CSMD2: variants seen among roughly 807,000 people sequenced by gnomAD.
CSMD2 encodes CUB and sushi domain-containing protein 2.
CSMD2 carries 130 observed loss-of-function variants against 398.5 expected under a neutral mutation model. The observed-to-expected ratio is 0.33, with a 90% CI of 0.28 to 0.38. The LOEUF (loss-of-function observed/expected upper bound fraction) is 0.38. Ranked by LOEUF, CSMD2 falls within the 10% of genes least tolerant of loss-of-function variation. The probability of loss-of-function intolerance (pLI) is 1.00; values close to 1 mark genes in which losing one functional copy is unlikely to be tolerated. For synonymous variants in CSMD2, 1,828 were observed against 1,908.5 expected (o/e 0.96, Z 1.10); for missense variants, 3,829 against 4,764.9 (o/e 0.80, Z 5.78).
intron 13 of CSMD2, among the ~76,000 whole-genome samples, chr1:33,763,808 G>A (rs943575896): frequency 7.2e-5 from 11 of 152,176 alleles, no homozygotes; most frequent in Non-Finnish European, 1.2e-4. Flanking sequence ...GATGTGTGTG[G>A]CTGCACAGAG....
chr1:33,705,734 T>C (rs1277083887), intron 22 of CSMD2, among the ~76,000 whole-genome samples: 1 of 152,028 alleles, frequency 6.6e-6, no homozygotes, highest in Non-Finnish European at 1.5e-5. Flanking sequence ...CAGTTGTTCC[T>C]AAACATTCCT....
chr1:33,669,649 C>T (rs982817585), intron 25 of CSMD2, among the ~76,000 whole-genome samples: 1 of 152,188 alleles, frequency 6.6e-6, no homozygotes, highest in African/African-American at 2.4e-5. Context: ...TTGTGTCCCC[C>T]AAAAGGATAT....
chr1:34,164,970 G>T lies in CSMD2; in HGVS notation c.128C>A (p.Thr43Lys). ...GSRWGRPPPP[T>K]PPPLLLLLGC... ...CAGCAACAGCAGCAGAGGCGGCGGC[G>T]TTGGCGGCGGCGGGCGGCCCCAGCG... The change falls in exon 1 of 71, where the codon ACG becomes AAG. Residue 43 changes from threonine to lysine, a missense_variant. Thr to Lys is a moderately conservative substitution (Grantham distance 78). Around this residue, in one of 5 missense-constraint regions of CSMD2, gnomAD observed 184 missense variants for 217.7 expected, o/e 0.85. Coordinates refer to ENST00000373381, the MANE Select transcript of CSMD2 (RefSeq NM_001281956.2). This position sits in a 1 kb window ranked among gnomAD's most constrained non-coding sequence, Gnocchi z 6.2. 8.2e-7 allele frequency: 1 copy of T among 1,215,798 alleles called. No individual in the cohort carries two copies. Among genetic ancestry groups the T allele is most frequent in the Non-Finnish European group, 1.0e-6 (1 of 977,922 alleles). The allele number at this position is 1,215,798 out of a possible 1,614,324, so 75.3% of individuals were successfully genotyped here. A position where few individuals can be genotyped will look rare whatever the true frequency, so the allele number is the denominator to read the frequency against.
intron 44 of CSMD2, among the ~76,000 whole-genome samples, chr1:33,590,833 G>A (rs773820994): frequency 6.6e-6 from 1 of 152,110 alleles, no homozygotes; most frequent in Non-Finnish European, 1.5e-5. Context: ...ACTCGTGAAC[G>A]GTGGGGGCAA....
At chr1:33,863,320 G>A (rs1199277801) in intron 5 of CSMD2, 1 of 152,202 alleles carries the variant, frequency 6.6e-6, no homozygotes, top group Non-Finnish European at 1.5e-5. Flanking sequence ...CAGTTTGAGT[G>A]TAGCTGTTAC....
chr1:33,841,426 C>T (rs1287318336), intron 6 of CSMD2, among the ~76,000 whole-genome samples: 2 of 152,260 alleles, frequency 1.3e-5, no homozygotes, highest in East Asian at 1.9e-4. Context: ...TTTCCAATAG[C>T]CCTGTAGGGT....
At chr1:33,517,622 TGAG>T (rs1265153208) in intron 70 of CSMD2, among the ~76,000 whole-genome samples, 2 of 152,184 alleles carry the variant, frequency 1.3e-5, no homozygotes, top group Non-Finnish European at 2.9e-5. Flanking sequence ...AGATGAAACT[TGAG>T]GAGTAATTTT....
At chr1:33,666,982 A>G (rs1057258140) in intron 25 of CSMD2, among the ~76,000 whole-genome samples, 49 of 152,292 alleles carry the variant, frequency 3.2e-4, no homozygotes, top group African/African-American at 1.2e-3. Flanking sequence ...ATTTAATAAC[A>G]TGAGATAAGA....
intron 2 of CSMD2, among the ~76,000 whole-genome samples, chr1:34,066,662 T>C (rs985462771): frequency 2.0e-5 from 3 of 152,062 alleles, no homozygotes; most frequent in African/African-American, 7.2e-5. Flanking sequence ...AGTCTTGCCC[T>C]AGCCTAGGGA....
At chr1:33,702,485 G>A (rs1295821170) in intron 22 of CSMD2, among the ~76,000 whole-genome samples, 2 of 152,092 alleles carry the variant, frequency 1.3e-5, no homozygotes, top group Non-Finnish European at 1.5e-5. Flanking sequence ...AAACAGAAAT[G>A]TGCAAATAAC....
At chr1:34,029,447 A>G (rs1481981466) in intron 3 of CSMD2, among the ~76,000 whole-genome samples, 4 of 152,184 alleles carry the variant, frequency 2.6e-5, no homozygotes, top group African/African-American at 7.2e-5. Context: ...CCCAGGGCAT[A>G]TATCAGGTAG....
At chr1:33,860,337 T>C (rs1010686558) in intron 5 of CSMD2, 1 of 152,208 alleles carries the variant, frequency 6.6e-6, no homozygotes, top group African/African-American at 2.4e-5. Flanking sequence ...TGTCTAATGT[T>C]TTTTCATAGA....
At chr1:33,547,924 C>G (rs973004355) in intron 56 of CSMD2, among the ~76,000 whole-genome samples, 1 of 152,160 alleles carries the variant, frequency 6.6e-6, no homozygotes, top group African/African-American at 2.4e-5. Context: ...ATTGTAATCC[C>G]CAGGTTGGGG....
Position 33,557,754 on chromosome 1 carries a change from C to T in CSMD2, c.8723G>A (p.Arg2908His), listed in dbSNP as rs934883767. 50 of 1,535,902 alleles carry T rather than the reference C, an allele frequency of 3.3e-5. No individual in the cohort carries two copies. The highest frequency in any genetic ancestry group is 5.5e-5 in the African/African-American group (4 of 73,004). Residue 2908 changes from arginine (R) to histidine (H), a missense_variant, in exon 55 of 71, where the codon CGT (arginine) becomes CAT (histidine). Physicochemically the swap from Arg to His is conservative, Grantham distance 29 (BLOSUM62 0). Transcript: ENST00000373381. ...CTTACAGAGACACTGGGGGCGGGGACGGTCCCATGTGCCATCTCCCTGGCA... is the reference window on the plus strand; with the variant it reads ...CTTACAGAGACACTGGGGGCGGGGATGGTCCCATGTGCCATCTCCCTGGCA... ...LSCQGDGTWD[R>H]PRPQCLLVSC...
At chr1:33,592,282 C>T in intron 44 of CSMD2, 1 of 693,662 alleles carries the variant, frequency 1.4e-6, no homozygotes, top group East Asian at 2.7e-5. Flanking sequence ...GAGCAGCAAT[C>T]CATTGCACTT....
At chr1:33,973,177 C>T (rs1262293592) in intron 3 of CSMD2, among the ~76,000 whole-genome samples, 3 of 152,230 alleles carry the variant, frequency 2.0e-5, no homozygotes, top group Admixed American at 6.5e-5. Context: ...CCCCTGCCCA[C>T]ACTATCTGCC....
chr1:33,760,327 A>G (rs1299917110), intron 13 of CSMD2, among the ~76,000 whole-genome samples: 1 of 152,042 alleles, frequency 6.6e-6, no homozygotes, highest in Non-Finnish European at 1.5e-5. Flanking sequence ...TGGCTGAGGA[A>G]CTCATATCCC....
chr1:33,632,629 C>T (rs1365606722), intron 32 of CSMD2, among the ~76,000 whole-genome samples: 1 of 151,948 alleles, frequency 6.6e-6, no homozygotes, highest in Non-Finnish European at 1.5e-5. Context: ...ATAAAACATG[C>T]CCTCTTTCTT....
chr1:33,909,323 T>A (rs1558087925), intron 5 of CSMD2, among the ~76,000 whole-genome samples: 1 of 152,276 alleles, frequency 6.6e-6, no homozygotes, highest in Non-Finnish European at 1.5e-5. Context: ...CCCCTGTGGC[T>A]CCTTCTCAAA....
Sources: allele counts gnomAD v4.1 joint callset (sites outside exome capture counted in the v4.1 genomes callset), GRCh38; gene constraint gnomAD v4.1.1; regional missense constraint gnomAD v4.1.1; non-coding constraint Gnocchi (gnomAD v3.1); transcripts MANE v1.5; gene names NCBI Gene and HGNC (gene_info 2026-07-23, HGNC 2026-07-21).